Variants in MAP4K5 observed in about 807,000 individuals in gnomAD.
MAP4K5 encodes the protein mitogen-activated protein kinase kinase kinase kinase 5.
A neutral mutation model predicts 135.6 loss-of-function variants in MAP4K5; 82 were observed. That is an observed-to-expected ratio of 0.60 (90% confidence interval 0.51 to 0.73). MAP4K5 has a LOEUF of 0.73. Among genes scored for constraint, MAP4K5 ranks in the 30% least tolerant of loss-of-function variants. The pLI, the probability that MAP4K5 is intolerant of heterozygous loss-of-function variation, is 0.00. For missense variants in MAP4K5, 907 were observed against 1,010.9 expected, an observed-to-expected ratio of 0.90 and a Z score of 1.39; for synonymous variants, 347 against 335.0, an observed-to-expected ratio of 1.04 and a Z score of -0.39.
At chr14:50,536,079 A>G (rs2038488040), upstream of MAP4K5, among the ~76,000 whole-genome samples, 2 of 152,246 alleles carry the variant, frequency 1.3e-5, no homozygotes, top group Non-Finnish European at 2.9e-5. Flanking sequence ...TGTAAGTCCA[A>G]TTAAACCTCT....
intron 2 of MAP4K5, among the ~76,000 whole-genome samples, chr14:50,509,004 G>A (rs1208378981): frequency 6.6e-6 from 1 of 152,224 alleles, no homozygotes; most frequent in African/African-American, 2.4e-5. Flanking sequence ...ATGATAGACT[G>A]GATTAAGAAA....
At chr14:50,528,528 G>T (rs1483929152) in intron 2 of MAP4K5, among the ~76,000 whole-genome samples, 1 of 151,556 alleles carries the variant, frequency 6.6e-6, no homozygotes, top group Non-Finnish European at 1.5e-5. Flanking sequence ...GACTAGCTTG[G>T]GCAACACAGG....
intron 18 of MAP4K5, 124 bp from the exon 19 acceptor site, chr14:50,444,160 T>C: frequency 1.5e-6 from 1 of 681,158 alleles, no homozygotes; most frequent in Non-Finnish European, 2.6e-6. Context: ...GAATATTCTC[T>C]ACTCTCAGGT....
chr14:50,445,752 T>G (rs1001209760), intron 17 of MAP4K5, among the ~76,000 whole-genome samples: 1 of 152,126 alleles, frequency 6.6e-6, no homozygotes, highest in Admixed American at 6.5e-5. Flanking sequence ...GTATTTTTAG[T>G]AGAGAGGGTT....
chr14:50,527,717 T>C (rs961513675), intron 2 of MAP4K5, among the ~76,000 whole-genome samples: 1 of 152,008 alleles, frequency 6.6e-6, no homozygotes, highest in Non-Finnish European at 1.5e-5. Context: ...CCCTGGGAAC[T>C]AAACATGTTA....
chr14:50,493,120 G>C (rs936749222), intron 3 of MAP4K5, among the ~76,000 whole-genome samples: 3 of 151,862 alleles, frequency 2.0e-5, no homozygotes, highest in African/African-American at 7.3e-5. Context: ...GTTTGTTCAA[G>C]AGACAAGGTC....
At chr14:50,452,268 A>G (rs2036507002) in intron 14 of MAP4K5, among the ~76,000 whole-genome samples, 1 of 152,220 alleles carries the variant, frequency 6.6e-6, no homozygotes, top group African/African-American at 2.4e-5. Context: ...TATTGCCTTT[A>G]TCACTCTTAG....
chr14:50,461,756 T>C (rs2036716351), intron 13 of MAP4K5, among the ~76,000 whole-genome samples: 2 of 151,946 alleles, frequency 1.3e-5, no homozygotes, highest in Non-Finnish European at 2.9e-5. Flanking sequence ...CTGTCTCTAC[T>C]AAAAATACAA....
chr14:50,542,145 A>G (rs1003554323), intron 2 of MAP4K5, among the ~76,000 whole-genome samples: 2 of 151,460 alleles, frequency 1.3e-5, no homozygotes, highest in African/African-American at 4.9e-5. Context: ...TGACCACAGG[A>G]TACTAAGTAA....
chr14:50,502,058 G>C (rs144949818), intron 3 of MAP4K5, among the ~76,000 whole-genome samples: 8 of 152,208 alleles, frequency 5.3e-5, no homozygotes, highest in Admixed American at 1.3e-4. Flanking sequence ...AGGAGAAATG[G>C]ACAAAATCAC....
In MAP4K5 at chr14:50,420,949, A is replaced by G. The variant is rs576451971; in HGVS notation, c.2454-843T>C. On this transcript the variant is annotated intron_variant, in intron 32 of 32. Coordinates refer to ENST00000682126, the MANE Select transcript of MAP4K5 (RefSeq NM_006575.6). ...GTGGGGAAGAGAGTTTGAGAACAAA[A>G]TAAAAAATAATATACCCATGCAGAG... 5.1e-4 allele frequency among the ~76,000 whole-genome samples: 78 copies of G among 152,178 alleles called. 1 individual carries two copies. The highest frequency in any genetic ancestry group is 8.2e-4 in the Non-Finnish European group (56 of 68,014).
intron 14 of MAP4K5, chr14:50,449,620 C>A (rs2036436630): frequency 6.6e-6 from 1 of 152,020 alleles, no homozygotes; most frequent in African/African-American, 2.4e-5. Context: ...AAAGCAAACA[C>A]AAAGTACTGA....
intron 9 of MAP4K5, among the ~76,000 whole-genome samples, chr14:50,473,881 G>A (rs915713473): frequency 2.0e-5 from 3 of 151,784 alleles, no homozygotes; most frequent in Non-Finnish European, 4.4e-5. Context: ...CTGCCACGAC[G>A]CCCGGCTAAT....
At chr14:50,474,992 T>C in intron 9 of MAP4K5, 85 bp downstream of exon 9, 1 of 1,143,558 alleles carries the variant, frequency 8.7e-7, no homozygotes, top group Non-Finnish European at 1.3e-6. Context: ...CTTTTAATTA[T>C]TACTTCTATT....
At chr14:50,560,148 G>C in intron 1 of MAP4K5, 5 of 1,233,726 alleles carry the variant, frequency 4.1e-6, no homozygotes, top group Non-Finnish European at 5.8e-6. Flanking sequence ...CATCCTCAGA[G>C]TCTGAGCGAA....
At chr14:50,505,232 C>A (rs559329606) in intron 2 of MAP4K5, 1 of 173,370 alleles carries the variant, frequency 5.8e-6, no homozygotes, top group South Asian at 1.5e-4. Context: ...CTGTATCTAA[C>A]TACCTAGAGA....
Position 50,444,866 on chromosome 14 carries a change from C to A in MAP4K5, c.1339+175G>T, listed in dbSNP as rs183951045. ...GAAATCTATTTATAGCCCATCCATG[C>A]AGAATTAAAGAGCCTTTACAAAGCT... is the stretch of plus-strand genomic sequence containing the variant. On this transcript the variant is annotated intron_variant, in intron 18 of 32. Coordinates refer to ENST00000682126, the MANE Select transcript of MAP4K5 (RefSeq NM_006575.6). Among the ~76,000 whole-genome samples the A allele has an allele frequency of 4.1e-4, 62 of 152,228 alleles. 1 individual carries two copies. Among genetic ancestry groups the A allele is most frequent in the African/African-American group, 1.4e-3 (59 of 41,526 alleles).
At chr14:50,508,634 G>T (rs182691647) in intron 2 of MAP4K5, among the ~76,000 whole-genome samples, 1 of 152,116 alleles carries the variant, frequency 6.6e-6, no homozygotes, top group Non-Finnish European at 1.5e-5. Flanking sequence ...GTTAATGGGT[G>T]CAGTACACCA....
intron 21 of MAP4K5, among the ~76,000 whole-genome samples, chr14:50,442,391 A>G (rs1430685159): frequency 1.3e-5 from 2 of 152,150 alleles, no homozygotes; most frequent in Admixed American, 6.6e-5. Context: ...ACAAGACATT[A>G]ATACTTAAAC....
Sources: gnomAD v4.1 joint callset for allele counts (sites outside exome capture counted in the v4.1 genomes callset) on GRCh38, gnomAD v4.1.1 for gene constraint, MANE v1.5 for transcripts, NCBI Gene and HGNC (gene_info 2026-07-23, HGNC 2026-07-21) for gene names.